CCDC91: variants seen among roughly 807,000 people sequenced by gnomAD.
CCDC91 encodes coiled-coil domain-containing protein 91.
Under a neutral mutation model 63.2 loss-of-function variants are expected in CCDC91, and 48 were observed. The observed-to-expected ratio is 0.76, with a 90% CI of 0.60 to 0.97. CCDC91 has a LOEUF of 0.97. Ranked by LOEUF, CCDC91 falls within the 50% of genes least tolerant of loss-of-function variation. The pLI is 0.00. For missense variants in CCDC91, 500 were observed against 494.6 expected (o/e 1.01, Z -0.10); for synonymous variants, 167 against 165.8 (o/e 1.01, Z -0.06).
intron 1 of CCDC91, among the ~76,000 whole-genome samples, chr12:28,232,820 A>AT (rs1428948160): frequency 6.6e-6 from 1 of 151,996 alleles, no homozygotes; most frequent in Non-Finnish European, 1.5e-5. Flanking sequence ...TAAAAATACC[A>AT]TTACTCAAAA....
At chr12:28,191,912 A>C (rs1331724590) in intron 1 of CCDC91, among the ~76,000 whole-genome samples, 2 of 152,176 alleles carry the variant, frequency 1.3e-5, no homozygotes, top group Non-Finnish European at 1.5e-5. Flanking sequence ...CAGGCTGCCT[A>C]GGAGGGTGTT....
chr12:28,216,131 G>T (rs965897009), intron 1 of CCDC91, among the ~76,000 whole-genome samples: 6 of 152,002 alleles, frequency 3.9e-5, no homozygotes, highest in African/African-American at 1.4e-4. Flanking sequence ...AGAAAAGAAT[G>T]ATCCTTTGGA....
chr12:28,248,437 A>G (rs1157486894), intron 1 of CCDC91, among the ~76,000 whole-genome samples: 2 of 151,982 alleles, frequency 1.3e-5, no homozygotes, highest in African/African-American at 4.8e-5. Context: ...CTAAAGTGAA[A>G]GAAAGGAAGG....
At chr12:28,299,441 A>G (rs1191967589) in intron 3 of CCDC91, among the ~76,000 whole-genome samples, 1 of 151,478 alleles carries the variant, frequency 6.6e-6, no homozygotes, top group African/African-American at 2.4e-5. Context: ...TCCCTCTCTC[A>G]TACTGTGTTA....
chr12:28,381,636 G>C (rs1257741), intron 7 of CCDC91, among the ~76,000 whole-genome samples: 38,205 of 151,842 alleles, frequency 0.25, 5,178 homozygotes, highest in East Asian at 0.57. Flanking sequence ...GTCTGCTTTA[G>C]TTCATTTTAC....
chr12:28,213,399 A>G (rs1037518955), intron 1 of CCDC91, among the ~76,000 whole-genome samples: 7 of 152,220 alleles, frequency 4.6e-5, no homozygotes, highest in South Asian at 4.1e-4. Context: ...TATACAGACA[A>G]AAGTCCAGAG....
intron 3 of CCDC91, among the ~76,000 whole-genome samples, chr12:28,298,097 T>C (rs1008471459): frequency 2.8e-5 from 4 of 143,094 alleles, no homozygotes; most frequent in African/African-American, 7.6e-5. Context: ...AATAATATGC[T>C]CTCTTTTCTT....
intron 8 of CCDC91, among the ~76,000 whole-genome samples, chr12:28,399,934 GCA>G: frequency 6.6e-6 from 1 of 152,156 alleles, no homozygotes; most frequent in Non-Finnish European, 1.5e-5. Context: ...TTTTCCAGGC[GCA>G]CAGTGTAAGC....
chr12:28,428,662 G>GT (rs1565957288), intron 8 of CCDC91, among the ~76,000 whole-genome samples: 2 of 149,980 alleles, frequency 1.3e-5, no homozygotes, highest in East Asian at 3.9e-4. Flanking sequence ...GTAAGGCATC[G>GT]TTTTTTAATT....
chr12:28,398,867 G>C (rs1946449580), intron 8 of CCDC91, among the ~76,000 whole-genome samples: 1 of 152,100 alleles, frequency 6.6e-6, no homozygotes, highest in Non-Finnish European at 1.5e-5. Context: ...ATATTCATGA[G>C]TTTTTCATAA....
chr12:28,267,819 TA>T (rs1316295704), intron 3 of CCDC91, among the ~76,000 whole-genome samples: 5 of 36,364 alleles, frequency 1.4e-4, no homozygotes, highest in Admixed American at 5.3e-4. Context: ...TATATAATTA[TA>T]TTATTAATAT....
chr12:28,240,598 A>G (rs1367324882), intron 1 of CCDC91, among the ~76,000 whole-genome samples: 1 of 152,136 alleles, frequency 6.6e-6, no homozygotes, highest in Admixed American at 6.5e-5. Flanking sequence ...AGTTTTTTTT[A>G]TATAAATGGA....
intron 12 of CCDC91, among the ~76,000 whole-genome samples, chr12:28,543,822 T>A (rs1431680959): frequency 6.6e-6 from 1 of 152,014 alleles, no homozygotes; most frequent in Non-Finnish European, 1.5e-5. Flanking sequence ...CTATCATATC[T>A]CAGGATAGGA....
intron 6 of CCDC91, among the ~76,000 whole-genome samples, chr12:28,313,434 A>ATAC (rs1332265586): frequency 1.1e-4 from 17 of 152,068 alleles, no homozygotes; most frequent in African/African-American, 4.1e-4. Flanking sequence ...TGATTTCAGA[A>ATAC]TACTGGGCTC....
chr12:28,436,016 A>G (rs1212723656), intron 8 of CCDC91, among the ~76,000 whole-genome samples: 1 of 151,824 alleles, frequency 6.6e-6, no homozygotes, highest in Non-Finnish European at 1.5e-5. Flanking sequence ...TGGACAACAT[A>G]TAATTCAGCC....
rs1227358976 is a variant in CCDC91 at position 28,201,040 on chromosome 12, C to T, written c.-15+10399C>T. On this transcript the variant is annotated intron_variant, in intron 1 of 12. Coordinates refer to ENST00000536442, the MANE Select transcript of CCDC91 (RefSeq NM_018318.5). The stretch of plus-strand genomic sequence containing the variant: ...CTCCCTCCCGGATGGGGCGGCTGGC[C>T]GGGCAGAGGGGCTCCTCACTTCCCA... Among the ~76,000 whole-genome samples, 40 of 148,102 alleles carry T rather than the reference C, an allele frequency of 2.7e-4. 1 individual carries two copies. In the East Asian group the frequency reaches 7.5e-3, roughly 28 times the overall value.
chr12:28,346,047 G>A (rs1942789595), intron 6 of CCDC91, among the ~76,000 whole-genome samples: 1 of 149,342 alleles, frequency 6.7e-6, no homozygotes, highest in South Asian at 2.1e-4. Flanking sequence ...AATTTTTATT[G>A]TGATCTTATA....
intron 8 of CCDC91, among the ~76,000 whole-genome samples, chr12:28,405,403 A>T (rs1384134664): frequency 6.6e-6 from 1 of 152,132 alleles, no homozygotes; most frequent in Admixed American, 6.6e-5. Context: ...TTGTTATTTT[A>T]AAGAAACCAT....
In CCDC91 at chr12:28,264,612, T is replaced by TGTGTGC. The variant is rs752805156; in HGVS notation, c.109+5175_109+5176insCGTGTG. On this transcript the variant is annotated intron_variant, in intron 3 of 12. Transcript: ENST00000536442. ...GTGTGTGTGTGTGTGTGTGTGTGTG[T>TGTGTGC]GTGTGTGTATTCTGATTTCTTCCTT... Among the ~76,000 whole-genome samples, 1,127 of 150,986 alleles carry TGTGTGC rather than the reference T, an allele frequency of 7.5e-3. 14 individuals are homozygous for TGTGTGC. Among genetic ancestry groups the TGTGTGC allele is most frequent in the Admixed American group, 0.016 (248 of 15,068 alleles).
Sources: allele counts gnomAD v4.1 joint callset (sites outside exome capture counted in the v4.1 genomes callset), GRCh38; gene constraint gnomAD v4.1.1; transcripts MANE v1.5; gene names NCBI Gene and HGNC (gene_info 2026-07-23, HGNC 2026-07-21).